The following SPOCK3 variants were observed in gnomAD, a reference collection of about 807,000 sequenced individuals.
The protein encoded by SPOCK3 is SPARC (osteonectin), cwcv and kazal like domains proteoglycan 3.
SPOCK3 carries 30 observed loss-of-function variants against 56.6 expected under a neutral mutation model. The ratio of observed to expected loss-of-function variants is 0.53; its 90% CI spans 0.40 to 0.72. The LOEUF (loss-of-function observed/expected upper bound fraction) is 0.72, where lower values mean the gene tolerates loss of function less well. SPOCK3 is among the 30% of genes least tolerant of loss of function. SPOCK3 has a pLI of 0.00. For synonymous variants in SPOCK3, 196 were observed against 183.3 expected (o/e 1.07, Z -0.56); for missense variants, 527 against 530.0 (o/e 0.99, Z 0.06).
chr4:167,207,475 G>A, intron 2 of SPOCK3, among the ~76,000 whole-genome samples: 1 of 151,984 alleles, frequency 6.6e-6, no homozygotes, highest in Admixed American at 6.6e-5. Context: ...TCATGTATTT[G>A]GTGTAAAATC....
chr4:166,862,677 T>C (rs1028444217), intron 6 of SPOCK3, among the ~76,000 whole-genome samples: 5 of 152,096 alleles, frequency 3.3e-5, no homozygotes, highest in African/African-American at 1.2e-4. Flanking sequence ...TTTTATTTGA[T>C]GATGCTGATT....
At chr4:166,955,008 T>C (rs1295796536) in intron 4 of SPOCK3, among the ~76,000 whole-genome samples, 1 of 152,180 alleles carries the variant, frequency 6.6e-6, no homozygotes, top group East Asian at 1.9e-4. Context: ...ACTTACAGTA[T>C]CTATTATATG....
At chr4:167,183,088 C>T (rs1171339673) in intron 2 of SPOCK3, among the ~76,000 whole-genome samples, 1 of 152,020 alleles carries the variant, frequency 6.6e-6, no homozygotes, top group Non-Finnish European at 1.5e-5. Context: ...TACAGCAGGC[C>T]CTCCTGGTCC....
At chr4:167,112,090 G>T (rs1175233962) in intron 2 of SPOCK3, among the ~76,000 whole-genome samples, 1 of 152,026 alleles carries the variant, frequency 6.6e-6, no homozygotes, top group Non-Finnish European at 1.5e-5. Context: ...CTTTAGTTTG[G>T]TGAAACATTC....
At chr4:166,868,376 C>A (rs1010910560) in intron 6 of SPOCK3, among the ~76,000 whole-genome samples, 2 of 151,542 alleles carry the variant, frequency 1.3e-5, no homozygotes, top group Non-Finnish European at 1.5e-5. Context: ...GGGAGGATTG[C>A]GTAGGCCCAG....
At chr4:166,801,661 A>G (rs564167627) in intron 6 of SPOCK3, among the ~76,000 whole-genome samples, 7 of 152,152 alleles carry the variant, frequency 4.6e-5, no homozygotes, top group Non-Finnish European at 8.8e-5. Context: ...AATATACAAA[A>G]TTTAAATTCC....
At chr4:167,146,470 A>C (rs1156696682) in intron 2 of SPOCK3, among the ~76,000 whole-genome samples, 1 of 152,156 alleles carries the variant, frequency 6.6e-6, no homozygotes. Context: ...CCTAATAGAC[A>C]TCTACAGAAC....
intron 7 of SPOCK3, among the ~76,000 whole-genome samples, chr4:166,779,880 T>G (rs1739970964): frequency 6.6e-6 from 1 of 152,014 alleles, no homozygotes; most frequent in Admixed American, 6.6e-5. Context: ...CACATAGAGG[T>G]AAACAATAAT....
At chr4:167,044,012 G>A (rs749412667) in intron 3 of SPOCK3, among the ~76,000 whole-genome samples, 21 of 151,994 alleles carry the variant, frequency 1.4e-4, no homozygotes, top group Non-Finnish European at 2.1e-4. Flanking sequence ...AAATTGCGGA[G>A]AATTGTTTTA....
At chr4:166,751,618 A>C (rs1025755442) in intron 8 of SPOCK3, among the ~76,000 whole-genome samples, 1 of 152,172 alleles carries the variant, frequency 6.6e-6, no homozygotes, top group Non-Finnish European at 1.5e-5. Context: ...TTATACTTTC[A>C]CAGGGCTATT....
chr4:167,229,027 A>T (rs1181838202), intron 2 of SPOCK3, among the ~76,000 whole-genome samples: 1 of 152,160 alleles, frequency 6.6e-6, no homozygotes, highest in Non-Finnish European at 1.5e-5. Flanking sequence ...ACTGTGAAGA[A>T]TTCCCAAGAA....
At chr4:166,745,564 G>A (rs1002764796) in intron 8 of SPOCK3, among the ~76,000 whole-genome samples, 1 of 152,174 alleles carries the variant, frequency 6.6e-6, no homozygotes, top group Non-Finnish European at 1.5e-5. Context: ...TTGACACTAG[G>A]AAGAAACTGC....
intron 9 of SPOCK3, among the ~76,000 whole-genome samples, chr4:166,741,170 C>T (rs1444148552): frequency 1.3e-5 from 2 of 152,140 alleles, no homozygotes; most frequent in Non-Finnish European, 2.9e-5. Flanking sequence ...TGCTGTCATG[C>T]TTTGAATTCT....
rs1324219406 is a variant in SPOCK3, at chr4:166,734,694, A to G, written c.*227T>C. On this transcript the variant is annotated 3_prime_UTR_variant, in exon 11 of 11. Transcript: ENST00000357545. ...TCAAAACTTTATTTTGTCTGACTAG[A>G]CTGCATATGTATTTTCTTTTTGTGT... 7.4e-6 allele frequency: 3 copies of G among 406,194 alleles called. No individual in the cohort carries two copies. The highest frequency in any genetic ancestry group is 6.3e-5 in the African/African-American group (3 of 47,988). 25.2% of individuals were successfully genotyped at this position (406,194 alleles called of 1,614,324 possible). A position where few individuals can be genotyped will look rare whatever the true frequency, so the allele number is the denominator to read the frequency against.
At chr4:166,802,483 G>T (rs1443945605) in intron 6 of SPOCK3, among the ~76,000 whole-genome samples, 1 of 152,134 alleles carries the variant, frequency 6.6e-6, no homozygotes, top group African/African-American at 2.4e-5. Flanking sequence ...TCTGGTGAAG[G>T]CCCCCTTCCT....
intron 3 of SPOCK3, among the ~76,000 whole-genome samples, chr4:167,039,882 G>A (rs1208243714): frequency 6.6e-6 from 1 of 152,150 alleles, no homozygotes; most frequent in Non-Finnish European, 1.5e-5. Flanking sequence ...ATGACAGCTT[G>A]AATATTCTCA....
intron 2 of SPOCK3, among the ~76,000 whole-genome samples, chr4:167,154,297 A>G (rs902290743): frequency 1.3e-5 from 2 of 152,116 alleles, no homozygotes; most frequent in East Asian, 3.9e-4. Flanking sequence ...CTCATCTCCA[A>G]AATTCCCAGA....
intron 4 of SPOCK3, among the ~76,000 whole-genome samples, chr4:166,943,514 T>C (rs17052683): frequency 0.051 from 7,835 of 152,220 alleles, 662 homozygotes; most frequent in African/African-American, 0.18. Flanking sequence ...AGACACATCA[T>C]GAAAACACAG....
At chr4:166,812,884 C>T (rs894466151) in intron 6 of SPOCK3, among the ~76,000 whole-genome samples, 5 of 151,952 alleles carry the variant, frequency 3.3e-5, no homozygotes, top group African/African-American at 1.2e-4. Context: ...TGGTCACATG[C>T]TATCATCAAA....
Sources: gnomAD v4.1 joint callset for allele counts (sites outside exome capture counted in the v4.1 genomes callset) on GRCh38, gnomAD v4.1.1 for gene constraint, MANE v1.5 for transcripts, NCBI Gene and HGNC (gene_info 2026-07-23, HGNC 2026-07-21) for gene names.